The following BFAR variants were observed in gnomAD, a reference collection of about 807,000 sequenced individuals.
BFAR encodes RING finger protein 47.
Under a neutral mutation model 54.4 loss-of-function variants are expected in BFAR, and 52 were observed. The ratio of observed to expected loss-of-function variants is 0.96; its 90% CI spans 0.77 to 1.21. BFAR has a LOEUF of 1.21. Among genes scored for constraint, BFAR ranks in the 50% most tolerant of loss-of-function variants. The pLI, the probability that BFAR is intolerant of heterozygous loss-of-function variation, is 0.00. For missense variants in BFAR, 571 were observed against 534.0 expected (o/e 1.07, Z -0.68); for synonymous variants, 215 against 204.3 (o/e 1.05, Z -0.45).
intron 4 of BFAR, among the ~76,000 whole-genome samples, chr16:14,651,447 GA>G (rs1181215122): frequency 3.3e-5 from 5 of 152,164 alleles, no homozygotes; most frequent in Non-Finnish European, 5.9e-5. Context: ...CAGCTATCCA[GA>G]AGCTCACTGA....
rs544187036 is a variant in BFAR at position 14,649,070 on chromosome 16, CTTTTTT to C, written c.468+496_468+501del. 5.0e-4 allele frequency among the ~76,000 whole-genome samples: 52 copies of C among 104,490 alleles called. 1 individual carries two copies. In the East Asian group the frequency reaches 0.014, roughly 29 times the overall value. 68.5% of individuals were successfully genotyped at this position (104,490 alleles called of 152,430 possible). A position where few individuals can be genotyped will look rare whatever the true frequency, so the allele number is the denominator to read the frequency against. ...TTTTATGTGGATTACATCTCTTGCT[CTTTTTT>C]TTTTTTTTTTTTTTTTTGAGATGAA... On this transcript the variant is annotated intron_variant, in intron 3 of 7. Transcript: ENST00000261658.
At chr16:14,634,458 TA>T (rs1959370157) in intron 1 of BFAR, among the ~76,000 whole-genome samples, 1 of 152,218 alleles carries the variant, frequency 6.6e-6, no homozygotes, top group African/African-American at 2.4e-5. Flanking sequence ...TAAATGCTGC[TA>T]TTGATAATTC....
chr16:14,661,392 CTTT>C (rs774393097), intron 5 of BFAR, among the ~76,000 whole-genome samples: 4 of 65,100 alleles, frequency 6.1e-5, no homozygotes, highest in South Asian at 1.4e-3. Flanking sequence ...GAGATTGGAT[CTTT>C]TTTTTTTTTT....
At chr16:14,662,535 T>A (rs895871507) in intron 6 of BFAR, among the ~76,000 whole-genome samples, 3 of 152,146 alleles carry the variant, frequency 2.0e-5, no homozygotes, top group Non-Finnish European at 2.9e-5. Flanking sequence ...TGATTGATTG[T>A]TTGAGATTGG....
At position 14,649,918 on chromosome 16, in the gene BFAR, G is replaced by A; in HGVS notation, c.583G>A (p.Gly195Ser). The change falls in exon 4 of 8, where the codon GGC (glycine) becomes AGC (serine). Residue 195 changes from glycine to serine, a missense_variant. Physicochemically the swap from Gly to Ser is moderately conservative, Grantham distance 56. Transcript: ENST00000261658. The part of the protein sequence containing the change: ...EEVVLWLEQL[G>S]PWASLYRERF... ...AGTTGTCCTCTGGCTGGAGCAGCTG[G>A]GCCCTTGGGCATCTCTTTACAGGGA... The A allele has an allele frequency of 6.2e-7, 1 of 1,613,512 alleles. No homozygotes were observed. Among genetic ancestry groups the A allele is most frequent in the South Asian group, 1.1e-5 (1 of 90,888 alleles).
At chr16:14,662,104 G>T in intron 6 of BFAR, 39 bp downstream of exon 6, 1 of 1,607,882 alleles carries the variant, frequency 6.2e-7, no homozygotes, top group Non-Finnish European at 8.5e-7. Context: ...TTATTCCACT[G>T]TCAAGTTATT....
chr16:14,641,588 A>G (rs1251367094), intron 1 of BFAR, among the ~76,000 whole-genome samples: 3 of 150,308 alleles, frequency 2.0e-5, no homozygotes, highest in Non-Finnish European at 3.0e-5. Flanking sequence ...GAGGCCGGAC[A>G]TGGTGGCTCA....
At chr16:14,661,626 C>T (rs1369382345) in intron 5 of BFAR, among the ~76,000 whole-genome samples, 2 of 151,996 alleles carry the variant, frequency 1.3e-5, no homozygotes, top group African/African-American at 4.8e-5. Flanking sequence ...TGGTCTCAAA[C>T]TCCTAACCTC....
intron 5 of BFAR, 101 bp downstream of exon 5, chr16:14,655,311 T>C: frequency 1.0e-6 from 1 of 961,192 alleles, no homozygotes; most frequent in Non-Finnish European, 1.4e-6. Context: ...TGACAGTTTA[T>C]GTACTTATTT....
chr16:14,652,432 C>T (rs2151840397), intron 4 of BFAR, among the ~76,000 whole-genome samples: 1 of 151,784 alleles, frequency 6.6e-6, no homozygotes, highest in East Asian at 1.9e-4. Context: ...AGGCGCCTGC[C>T]ATCATGCGTG....
intron 5 of BFAR, among the ~76,000 whole-genome samples, chr16:14,657,591 G>A (rs1960165674): frequency 6.6e-6 from 1 of 151,506 alleles, no homozygotes; most frequent in African/African-American, 2.4e-5. Context: ...TTCCCAGACT[G>A]GAGTGCAGTG....
intron 1 of BFAR, among the ~76,000 whole-genome samples, chr16:14,637,603 C>T (rs534918104): frequency 2.0e-5 from 3 of 152,238 alleles, no homozygotes; most frequent in South Asian, 2.1e-4. Context: ...TGAGAGGCCA[C>T]GGCAGGCAGA....
chr16:14,637,243 C>T (rs1428765201), intron 1 of BFAR, among the ~76,000 whole-genome samples: 2 of 152,112 alleles, frequency 1.3e-5, no homozygotes, highest in African/African-American at 2.4e-5. Context: ...GCAGTAGCAT[C>T]TCTATGATGT....
chr16:14,648,705 A>G (rs763616142), intron 3 of BFAR, 113 bp downstream of exon 3: 6 of 778,684 alleles, frequency 7.7e-6, no homozygotes, highest in Admixed American at 5.1e-5. Context: ...ATGTGACTCC[A>G]TGTAATTTAC....
At position 14,667,898 on chromosome 16, in the gene BFAR, G is replaced by T; in HGVS notation, c.*71G>T. ...AGCTTTGATGCTTAAGAGGGGTGAG[G>T]CAGGGAGCGGACTTCCTATTTTCTA... On this transcript the variant is annotated 3_prime_UTR_variant, in exon 8 of 8. Transcript: ENST00000261658. 1 of 1,472,814 alleles carries T rather than the reference G, an allele frequency of 6.8e-7. No individual in the cohort carries two copies. Among genetic ancestry groups the T allele is most frequent in the East Asian group, 2.3e-5 (1 of 43,992 alleles). The allele number at this position is 1,472,814 out of a possible 1,614,324, so 91.2% of individuals were successfully genotyped here.
chr16:14,633,349 C>T (rs1175086184), intron 1 of BFAR: 1 of 152,398 alleles, frequency 6.6e-6, no homozygotes, highest in African/African-American at 2.4e-5. Context: ...GAGGAGGGGT[C>T]GCTTCCAAAC....
chr16:14,662,415 G>A (rs1247251799), intron 6 of BFAR, among the ~76,000 whole-genome samples: 2 of 152,104 alleles, frequency 1.3e-5, no homozygotes, highest in East Asian at 3.9e-4. Flanking sequence ...ATAGTCTGAA[G>A]CCTGCTAATC....
chr16:14,651,954 C>T (rs913960538), intron 4 of BFAR, among the ~76,000 whole-genome samples: 1 of 143,742 alleles, frequency 7.0e-6, no homozygotes, highest in African/African-American at 2.6e-5. Flanking sequence ...TGGTGTGATC[C>T]TGGCTCACTG....
chr16:14,638,828 C>G (rs1057206913), intron 1 of BFAR, among the ~76,000 whole-genome samples: 6 of 151,964 alleles, frequency 3.9e-5, no homozygotes, highest in African/African-American at 1.5e-4. Context: ...GCCTGTAATC[C>G]CAGCTACTCA....
Sources: allele counts gnomAD v4.1 joint callset (sites outside exome capture counted in the v4.1 genomes callset), GRCh38; gene constraint gnomAD v4.1.1; transcripts MANE v1.5; gene names NCBI Gene and HGNC (gene_info 2026-07-23, HGNC 2026-07-21).